ATIC: variants seen among roughly 807,000 people sequenced by gnomAD.
ATIC encodes the protein bifunctional purine biosynthesis protein ATIC.
Under a neutral mutation model 72.5 loss-of-function variants are expected in ATIC, and 64 were observed. The observed-to-expected ratio is 0.88, with a 90% CI of 0.72 to 1.09. The LOEUF (loss-of-function observed/expected upper bound fraction) is 1.09, where lower values mean the gene tolerates loss of function less well. Ranked by LOEUF, ATIC falls within the 50% of genes least tolerant of loss-of-function variation. The probability of loss-of-function intolerance (pLI) is 0.00; values close to 1 mark genes in which losing one functional copy is unlikely to be tolerated. For missense variants in ATIC, 787 were observed against 732.4 expected (o/e 1.07, Z -0.86); for synonymous variants, 281 against 267.1 (o/e 1.05, Z -0.51).
At chr2:215,330,889 G>A (rs1017014479) in intron 7 of ATIC, among the ~76,000 whole-genome samples, 1 of 151,976 alleles carries the variant, frequency 6.6e-6, no homozygotes, top group African/African-American at 2.4e-5. Flanking sequence ...AGATAGTTGG[G>A]ATCATACAGT....
chr2:215,360,556 G>C, the ATIC span: 55 of 152,288 alleles, frequency 3.6e-4, no homozygotes, highest in African/African-American at 1.3e-3. Context: ...GAATTACAAT[G>C]GTTAGAAAAG....
At chr2:215,328,156 G>C (rs1036991901) in intron 7 of ATIC, among the ~76,000 whole-genome samples, 18 of 152,006 alleles carry the variant, frequency 1.2e-4, no homozygotes, top group African/African-American at 3.9e-4. Context: ...TTACAGGCGT[G>C]AGCCACCACA....
At chr2:215,342,165 G>A (rs984267797) in intron 12 of ATIC, among the ~76,000 whole-genome samples, 2 of 152,080 alleles carry the variant, frequency 1.3e-5, no homozygotes, top group Non-Finnish European at 2.9e-5. Flanking sequence ...CAGCCAAACC[G>A]TATCACCAAG....
the ATIC span, chr2:215,368,178 T>C: frequency 1.2e-6 from 1 of 843,458 alleles, no homozygotes. Flanking sequence ...ATCAAGGCAT[T>C]AACTGCTCTA....
At chr2:215,344,173 G>A (rs879106267) in intron 12 of ATIC, among the ~76,000 whole-genome samples, 3 of 152,164 alleles carry the variant, frequency 2.0e-5, no homozygotes, top group African/African-American at 4.8e-5. Flanking sequence ...GTTTTGGAAT[G>A]GATATGGTAG....
chr2:215,347,325 A>G (rs1356232890), intron 14 of ATIC: 8 of 371,986 alleles, frequency 2.2e-5, no homozygotes, highest in East Asian at 1.8e-4. Flanking sequence ...TCAACATTAA[A>G]TACAAATTGC....
At chr2:215,333,946 G>T (rs889156787) in intron 9 of ATIC, among the ~76,000 whole-genome samples, 3 of 151,602 alleles carry the variant, frequency 2.0e-5, no homozygotes, top group Non-Finnish European at 2.9e-5. Flanking sequence ...GGAGGCTGAG[G>T]CAGGAGAATG....
At chr2:215,354,799 T>C in the ATIC span, among the ~76,000 whole-genome samples, 1 of 151,428 alleles carries the variant, frequency 6.6e-6, no homozygotes, top group East Asian at 1.9e-4. Context: ...ACTATTCTTT[T>C]AAAGTCTCTT....
chr2:215,346,726 A>G (rs1489540018), intron 13 of ATIC, 33 bp from the exon 14 acceptor site: 2 of 1,609,886 alleles, frequency 1.2e-6, no homozygotes, highest in East Asian at 4.5e-5. Context: ...TGTCTTTGGA[A>G]GAGGTGTTCA....
At chr2:215,354,858 A>G in the ATIC span, among the ~76,000 whole-genome samples, 1 of 151,688 alleles carries the variant, frequency 6.6e-6, no homozygotes, top group Non-Finnish European at 1.5e-5. Context: ...TTCCCTGACT[A>G]ACATTGGCTA....
intron 12 of ATIC, among the ~76,000 whole-genome samples, chr2:215,343,071 A>T (rs2053036714): frequency 6.6e-6 from 1 of 151,944 alleles, no homozygotes; most frequent in Non-Finnish European, 1.5e-5. Flanking sequence ...TGTTTTCCAG[A>T]GTGGCTTGTA....
At chr2:215,316,661 GC>G (rs1261602292) in intron 2 of ATIC, among the ~76,000 whole-genome samples, 1 of 152,180 alleles carries the variant, frequency 6.6e-6, no homozygotes, top group East Asian at 1.9e-4. Context: ...TTCTTAACAT[GC>G]TAGTATATTT....
intron 12 of ATIC, among the ~76,000 whole-genome samples, chr2:215,341,203 T>C (rs1366034967): frequency 6.6e-6 from 1 of 152,196 alleles, no homozygotes; most frequent in African/African-American, 2.4e-5. Context: ...TGTCCTGAAG[T>C]AAAGAAACAT....
intron 2 of ATIC, 35 bp from the exon 3 acceptor site, chr2:215,318,122 C>A (rs2052728839): frequency 6.4e-7 from 1 of 1,571,526 alleles, no homozygotes; most frequent in Non-Finnish European, 8.8e-7. Flanking sequence ...AATTCAGCCA[C>A]ACCAGTAGTA....
chr2:215,343,730 T>C (rs1445470624), intron 12 of ATIC, among the ~76,000 whole-genome samples: 10 of 152,258 alleles, frequency 6.6e-5, no homozygotes, highest in Admixed American at 6.5e-4. Context: ...TCGTAGCTTG[T>C]CTTTTCATCC....
At position 215,318,139 on chromosome 2, in the gene ATIC, T is replaced by C. The variant is rs1483072245; in HGVS notation, c.147-18T>C. On this transcript the variant is annotated intron_variant, in intron 2 of 15. Coordinates refer to ENST00000236959, the MANE Select transcript of ATIC (RefSeq NM_004044.7). Reference sequence around the variant, plus strand: ...TTCAGCCACACCAGTAGTACCATTCTGTTTATCTGTTTTTCAGAGATGTCT... The same window carrying C: ...TTCAGCCACACCAGTAGTACCATTCCGTTTATCTGTTTTTCAGAGATGTCT... 1 of 1,608,898 alleles carries C rather than the reference T, an allele frequency of 6.2e-7. No homozygotes were observed.
At position 215,335,066 on chromosome 2, in the gene ATIC, T is replaced by G; in HGVS notation, c.1008+62T>G. On this transcript the variant is annotated intron_variant, in intron 10 of 15. Transcript: ENST00000236959. ...AATAAAGCTTTATTTGTTCATAATG[T>G]TAATTGAAACCATAACCTATAATAT... 3 of 1,205,826 alleles carry G rather than the reference T, an allele frequency of 2.5e-6. No homozygotes were observed. The East Asian group carries it at 7.3e-5, about 29-fold the overall frequency. 74.7% of individuals were successfully genotyped at this position (1,205,826 alleles called of 1,614,324 possible). A position where few individuals can be genotyped will look rare whatever the true frequency, so the allele number is the denominator to read the frequency against.
rs1422942115 is a variant in ATIC at position 215,333,470 on chromosome 2, G to C, written c.922+13G>C. On this transcript the variant is annotated intron_variant, in intron 9 of 15. Transcript: ENST00000236959. ...GCAAGAGCAAGAGGTCAGACTCATA[G>C]GGCTTTTTGATTTGGGGGAGAAAGA... 4 of 1,606,862 alleles carry C rather than the reference G, an allele frequency of 2.5e-6. No homozygotes were observed. The highest frequency in any genetic ancestry group is 1.3e-5 in the African/African-American group (1 of 74,820).
At position 215,332,429 on chromosome 2, in the gene ATIC, G is replaced by A. The variant is rs776539487; in HGVS notation, c.736G>A (p.Ala246Thr). ...GFINLCDALN[A>T]WQLVKELKEA... ...TATAAACTTGTGCGATGCTTTGAAC[G>A]CCTGGCAGCTGGTGAAGGAACTCAA... The change falls in exon 8 of 16, where the codon GCC (alanine) becomes ACC (threonine). Residue 246 changes from alanine to threonine, a missense_variant. Coordinates refer to ENST00000236959, the MANE Select transcript of ATIC (RefSeq NM_004044.7). The A allele has an allele frequency of 2.5e-6, 4 of 1,614,018 alleles. No homozygotes were observed. The highest frequency in any genetic ancestry group is 4.5e-5 in the East Asian group (2 of 44,870).
Sources: allele counts gnomAD v4.1 joint callset (sites outside exome capture counted in the v4.1 genomes callset), GRCh38; gene constraint gnomAD v4.1.1; transcripts MANE v1.5; gene names NCBI Gene and HGNC (gene_info 2026-07-23, HGNC 2026-07-21).